The following ATP8A2 variants were observed in gnomAD, a reference collection of about 807,000 sequenced individuals.
The protein encoded by ATP8A2 is phospholipid-transporting ATPase IB.
ATP8A2 carries 100 observed loss-of-function variants against 165.6 expected under a neutral mutation model. That is an observed-to-expected ratio of 0.60 (90% confidence interval 0.51 to 0.71). The LOEUF (loss-of-function observed/expected upper bound fraction) is 0.71. Ranked by LOEUF, ATP8A2 falls within the 30% of genes least tolerant of loss-of-function variation. ATP8A2 has a pLI of 0.00. For missense variants in ATP8A2, 1,227 were observed against 1,479.5 expected, an observed-to-expected ratio of 0.83 and a Z score of 2.80; for synonymous variants, 543 against 548.8, an observed-to-expected ratio of 0.99 and a Z score of 0.15.
intron 27 of ATP8A2, among the ~76,000 whole-genome samples, chr13:25,795,311 ATACAT>A (rs1950478969): frequency 6.6e-6 from 1 of 152,206 alleles, no homozygotes; most frequent in African/African-American, 2.4e-5. Context: ...TTATGTTTCT[ATACAT>A]TACATTAACT....
At chr13:25,396,130 C>CTG (rs2033416081) in intron 1 of ATP8A2, among the ~76,000 whole-genome samples, 1 of 152,204 alleles carries the variant, frequency 6.6e-6, no homozygotes, top group Admixed American at 6.5e-5. Context: ...GTGTGAGCCA[C>CTG]CACGCCCAGC....
intron 2 of ATP8A2, among the ~76,000 whole-genome samples, chr13:25,491,432 T>G (rs1388828918): frequency 6.6e-6 from 1 of 152,160 alleles, no homozygotes; most frequent in Non-Finnish European, 1.5e-5. Flanking sequence ...CTTGCTATGT[T>G]GCCCAGCCTG....
At chr13:25,711,352 C>A (rs2043155095) in intron 25 of ATP8A2, among the ~76,000 whole-genome samples, 1 of 152,008 alleles carries the variant, frequency 6.6e-6, no homozygotes, top group South Asian at 2.1e-4. Flanking sequence ...ACTCTGGAGT[C>A]CATGCTGAGA....
chr13:25,410,929 A>T (rs2033947276), intron 1 of ATP8A2, among the ~76,000 whole-genome samples: 1 of 152,156 alleles, frequency 6.6e-6, no homozygotes, highest in East Asian at 1.9e-4. Context: ...TGTTCTTGCT[A>T]TCAAAACCTT....
chr13:25,785,820 A>T (rs2045009595), intron 27 of ATP8A2, among the ~76,000 whole-genome samples: 1 of 152,198 alleles, frequency 6.6e-6, no homozygotes, highest in Admixed American at 6.5e-5. Context: ...CAGAAAGAGC[A>T]CCTTCTGTAG....
intron 35 of ATP8A2, among the ~76,000 whole-genome samples, chr13:25,984,384 G>A (rs543651391): frequency 4.6e-5 from 7 of 151,774 alleles, no homozygotes; most frequent in South Asian, 2.1e-4. Context: ...CAGGTGGATC[G>A]CTTGAGGTCA....
At chr13:25,867,991 G>C (rs893211223) in intron 33 of ATP8A2, 2 of 370,526 alleles carry the variant, frequency 5.4e-6, no homozygotes, top group Admixed American at 6.9e-5. Context: ...TTGAGACACT[G>C]TATGAAGCCA....
At chr13:25,648,956 T>C (rs1379480369) in intron 24 of ATP8A2, 1 of 464,604 alleles carries the variant, frequency 2.2e-6, no homozygotes, top group African/African-American at 2.0e-5. Context: ...TCATGGAATT[T>C]CTTTAAGAGG....
At chr13:25,625,984 A>C (rs1300818583) in intron 24 of ATP8A2, among the ~76,000 whole-genome samples, 1 of 152,146 alleles carries the variant, frequency 6.6e-6, no homozygotes, top group Non-Finnish European at 1.5e-5. Context: ...TGTCTTAGCC[A>C]TCTGATGTTT....
chr13:25,895,974 C>A (rs916658232), intron 33 of ATP8A2, among the ~76,000 whole-genome samples: 9 of 151,992 alleles, frequency 5.9e-5, no homozygotes, highest in Admixed American at 3.9e-4. Context: ...TTGATCTTTT[C>A]AAAAAACCAG....
At chr13:25,641,486 G>A (rs895565708) in intron 24 of ATP8A2, among the ~76,000 whole-genome samples, 2 of 152,164 alleles carry the variant, frequency 1.3e-5, no homozygotes, top group Non-Finnish European at 2.9e-5. Context: ...GCCAAATCAT[G>A]TGTGAACTCC....
chr13:25,403,524 C>A (rs1041475533), intron 1 of ATP8A2, among the ~76,000 whole-genome samples: 1 of 152,118 alleles, frequency 6.6e-6, no homozygotes. Context: ...AGTTGTGGAT[C>A]CTATCTCCAG....
At chr13:26,004,388 T>C in intron 35 of ATP8A2, among the ~76,000 whole-genome samples, 1 of 152,114 alleles carries the variant, frequency 6.6e-6, no homozygotes, top group Non-Finnish European at 1.5e-5. Flanking sequence ...CTAAATTTAC[T>C]AGTTCTAAAC....
At chr13:25,522,348 T>C (rs2037699024) in intron 2 of ATP8A2, among the ~76,000 whole-genome samples, 1 of 152,200 alleles carries the variant, frequency 6.6e-6, no homozygotes, top group Non-Finnish European at 1.5e-5. Flanking sequence ...TCATGTCCTT[T>C]GTGAACAAGG....
chr13:25,837,594 G>T (rs1176203211), intron 29 of ATP8A2, among the ~76,000 whole-genome samples: 3 of 152,092 alleles, frequency 2.0e-5, no homozygotes, highest in African/African-American at 7.2e-5. Context: ...TGACATCAGT[G>T]TGGGCAGCAG....
At chr13:25,686,567 T>C (rs1293138083) in intron 24 of ATP8A2, among the ~76,000 whole-genome samples, 1 of 152,156 alleles carries the variant, frequency 6.6e-6, no homozygotes, top group Non-Finnish European at 1.5e-5. Flanking sequence ...TCCCTGACAC[T>C]GTAATGTTTC....
chr13:25,495,393 A>T (rs1000209159), intron 2 of ATP8A2, among the ~76,000 whole-genome samples: 1 of 152,106 alleles, frequency 6.6e-6, no homozygotes, highest in African/African-American at 2.4e-5. Context: ...GAAAGCACAG[A>T]TGGAGGTGGA....
At chr13:25,445,332 T>C (rs1419961599) in intron 1 of ATP8A2, among the ~76,000 whole-genome samples, 1 of 152,220 alleles carries the variant, frequency 6.6e-6, no homozygotes, top group African/African-American at 2.4e-5. Flanking sequence ...TAAACAACTT[T>C]GAAATCTAAA....
At chr13:25,809,626 A>G (rs966652806) in intron 27 of ATP8A2, among the ~76,000 whole-genome samples, 1 of 151,880 alleles carries the variant, frequency 6.6e-6, no homozygotes, top group Non-Finnish European at 1.5e-5. Context: ...TTTGCTCCCA[A>G]ATGTTCTGTT....
Sources: gnomAD v4.1 joint callset for allele counts (sites outside exome capture counted in the v4.1 genomes callset) on GRCh38, gnomAD v4.1.1 for gene constraint, MANE v1.5 for transcripts, NCBI Gene and HGNC (gene_info 2026-07-23, HGNC 2026-07-21) for gene names.